LMX1B: variants seen among roughly 807,000 people sequenced by gnomAD.
The protein encoded by LMX1B is LIM homeobox transcription factor 1 beta.
Under a neutral mutation model 51.4 loss-of-function variants are expected in LMX1B, and 12 were observed. The ratio of observed to expected loss-of-function variants is 0.23; its 90% CI spans 0.15 to 0.38. The LOEUF is 0.38. Among genes scored for constraint, LMX1B ranks in the 10% least tolerant of loss-of-function variants. The pLI is 1.00. For synonymous variants in LMX1B, 237 were observed against 235.4 expected (o/e 1.01, Z -0.06); for missense variants, 445 against 571.1 (o/e 0.78, Z 2.25).
intron 2 of LMX1B, among the ~76,000 whole-genome samples, chr9:126,623,870 G>A (rs1266759700): frequency 3.3e-5 from 5 of 152,184 alleles, no homozygotes; most frequent in Non-Finnish European, 7.3e-5. Context: ...CACGCGGATG[G>A]GGCGGCTTTC....
At position 126,696,393 on chromosome 9, in the gene LMX1B, G is replaced by A. The variant is rs143906016; in HGVS notation, c.1151G>A (p.Arg384His). The stretch of plus-strand genomic sequence containing the variant: ...TCAGACGTGGGCTCCCTGCAGGCCC[G>A]CGTGGGGAACCCCATCGACCGGCTC... ...GSSDVGSLQA[R>H]VGNPIDRLYS... is the part of the protein sequence containing the mutation. The change falls in exon 8 of 8, where the codon CGC becomes CAC. Residue 384 changes from arginine to histidine, a missense_variant. Physicochemically the swap from Arg to His is conservative, Grantham distance 29. Coordinates refer to ENST00000373474, the MANE Select transcript of LMX1B (RefSeq NM_001174147.2). 24 of 1,613,914 alleles carry A rather than the reference G, an allele frequency of 1.5e-5. No individual in the cohort carries two copies. Among genetic ancestry groups the A allele is most frequent in the African/African-American group, 2.7e-5 (2 of 74,904 alleles).
rs374683315 is a variant in LMX1B, at chr9:126,693,504, T to A, written c.742-20T>A. 1 of 1,612,906 alleles carries A rather than the reference T, an allele frequency of 6.2e-7. No homozygotes were observed. Among genetic ancestry groups the A allele is most frequent in the African/African-American group, 1.3e-5 (1 of 74,880 alleles). On this transcript the variant is annotated intron_variant, in intron 4 of 7. Coordinates refer to ENST00000373474, the MANE Select transcript of LMX1B (RefSeq NM_001174147.2). ...TGCTGCCCCTGGAGGGCCTGACCTGTTCCCCTCTCTCTGAGCCAGGTCCGA... is the reference window on the plus strand; with the variant it reads ...TGCTGCCCCTGGAGGGCCTGACCTGATCCCCTCTCTCTGAGCCAGGTCCGA...
intron 2 of LMX1B, among the ~76,000 whole-genome samples, chr9:126,685,004 G>A (rs973491808): frequency 6.6e-6 from 1 of 152,174 alleles, no homozygotes; most frequent in Admixed American, 6.5e-5. Context: ...TTCACACATG[G>A]TTGTTCATTC....
At chr9:126,617,429 T>G (rs1044776218) in intron 2 of LMX1B, among the ~76,000 whole-genome samples, 1 of 151,918 alleles carries the variant, frequency 6.6e-6, no homozygotes, top group Non-Finnish European at 1.5e-5. Context: ...AAAAGACTTA[T>G]GAATCGCGTG....
At chr9:126,659,509 G>A (rs1362640031) in intron 2 of LMX1B, among the ~76,000 whole-genome samples, 1 of 152,252 alleles carries the variant, frequency 6.6e-6, no homozygotes, top group African/African-American at 2.4e-5. Context: ...CAGGCCAGGG[G>A]CTCTGCTGGC....
At chr9:126,668,257 G>A (rs890854155) in intron 2 of LMX1B, among the ~76,000 whole-genome samples, 1 of 152,112 alleles carries the variant, frequency 6.6e-6, no homozygotes, top group African/African-American at 2.4e-5. Flanking sequence ...GAGTCAGGCT[G>A]TGTCACTTCC....
At chr9:126,635,256 C>G (rs1397041413) in intron 2 of LMX1B, among the ~76,000 whole-genome samples, 1 of 152,228 alleles carries the variant, frequency 6.6e-6, no homozygotes, top group East Asian at 1.9e-4. Flanking sequence ...TACTTGCCCC[C>G]ACTCGCTCAT....
At chr9:126,672,889 G>A (rs1326897414) in intron 2 of LMX1B, among the ~76,000 whole-genome samples, 1 of 152,250 alleles carries the variant, frequency 6.6e-6, no homozygotes, top group African/African-American at 2.4e-5. Context: ...GCTGGCCCCA[G>A]TGATGCCAGA....
chr9:126,615,660 C>CGCACAGAGCCGG lies in LMX1B; in HGVS notation c.326+91_326+92insGCACAGAGCCGG. The CGCACAGAGCCGG allele has an allele frequency of 8.0e-7, 1 of 1,248,978 alleles. No homozygotes were observed. Among genetic ancestry groups the CGCACAGAGCCGG allele is most frequent in the Non-Finnish European group, 1.1e-6 (1 of 903,216 alleles). The allele number at this position is 1,248,978 out of a possible 1,614,324, so 77.4% of individuals were successfully genotyped here. On this transcript the variant is annotated intron_variant, in intron 2 of 7. Coordinates refer to ENST00000373474, the MANE Select transcript of LMX1B (RefSeq NM_001174147.2). This position sits in a 1 kb window ranked among gnomAD's most constrained non-coding sequence, Gnocchi z 6.0. ...GGCCCGGCCCGCGCCCGCTCTGCCGCCGGCTCTGTGCGCGGCTGGGCCGGG... is the reference window on the plus strand; with the variant it reads ...GGCCCGGCCCGCGCCCGCTCTGCCGCGCACAGAGCCGGCGGCTCTGTGCGCGGCTGGGCCGGG...
rs886063442 is a variant in LMX1B at position 126,699,973 on chromosome 9, G to A, written c.*3522G>A. ...TCTCCAGAGCAAAAGAGAATGAGAG[G>A]TGGGCAGGGGGAGTCTTGGCAAAAG... On this transcript the variant is annotated 3_prime_UTR_variant, in exon 8 of 8. Transcript: ENST00000373474. 2.0e-5 allele frequency: 3 copies of A among 152,284 alleles called. No homozygotes were observed. The highest frequency in any genetic ancestry group is 1.9e-4 in the East Asian group (1 of 5,196). 9.4% of individuals were successfully genotyped at this position (152,284 alleles called of 1,614,324 possible). A position where few individuals can be genotyped will look rare whatever the true frequency, so the allele number is the denominator to read the frequency against.
chr9:126,690,498 A>G lies in LMX1B; in HGVS notation c.327-338A>G, dbSNP rs56663592. On this transcript the variant is annotated intron_variant, in intron 2 of 7. Transcript: ENST00000373474. ...GAGGTAGAAAGGATCCTTTCCAGCC[A>G]GGGGCTGACCTGGCCCCCAAGGAAA... Among the ~76,000 whole-genome samples the G allele has an allele frequency of 0.11, 16,811 of 152,226 alleles. 1,188 individuals carry two copies. The highest frequency in any genetic ancestry group is 0.35 in the East Asian group (1,783 of 5,154).
chr9:126,696,022 A>ACCCCCC lies in LMX1B; in HGVS notation c.1051+22_1051+23insCCCCCC. ...CCCTATGGTAAGCCGCCCTACCCCC[A>ACCCCCC]CCCGCCCGCCCCAGCACAGCCCCTG... is the stretch of plus-strand genomic sequence containing the variant. On this transcript the variant is annotated intron_variant, in intron 7 of 7. Transcript: ENST00000373474. The ACCCCCC allele has an allele frequency of 7.6e-6, 4 of 523,594 alleles. No homozygotes were observed. The highest frequency in any genetic ancestry group is 9.8e-6 in the Non-Finnish European group (4 of 408,712). 32.4% of individuals were successfully genotyped at this position (523,594 alleles called of 1,614,324 possible).
At chr9:126,690,073 A>G (rs1393375722) in intron 2 of LMX1B, among the ~76,000 whole-genome samples, 1 of 152,102 alleles carries the variant, frequency 6.6e-6, no homozygotes, top group African/African-American at 2.4e-5. Context: ...GGCTGCCATG[A>G]TAGTGCTCTG....
rs1835535612 is a variant in LMX1B, at chr9:126,626,559, C to CT, written c.326+10991dup. Among the ~76,000 whole-genome samples the CT allele has an allele frequency of 6.6e-6, 1 of 152,212 alleles. No homozygotes were observed. Among genetic ancestry groups the CT allele is most frequent in the African/African-American group, 2.4e-5 (1 of 41,456 alleles). ...CGCCCGTCCTCTCCTGGAGCCCCCTCTGCAATCCCGGCTCAGTCGGCAACC... is the reference window on the plus strand; with the variant it reads ...CGCCCGTCCTCTCCTGGAGCCCCCTCTTGCAATCCCGGCTCAGTCGGCAACC... On this transcript the variant is annotated intron_variant, in intron 2 of 7. Coordinates refer to ENST00000373474, the MANE Select transcript of LMX1B (RefSeq NM_001174147.2). The surrounding 1 kb of genome is among the most constrained non-coding windows in gnomAD (Gnocchi z 4.3).
chr9:126,675,595 C>T lies in LMX1B; in HGVS notation c.327-15241C>T, dbSNP rs190292728. 5.7e-3 allele frequency among the ~76,000 whole-genome samples: 862 copies of T among 151,500 alleles called. 12 individuals carry two copies. The highest frequency in any genetic ancestry group is 0.019 in the African/African-American group (804 of 41,242). On this transcript the variant is annotated intron_variant, in intron 2 of 7. Coordinates refer to ENST00000373474, the MANE Select transcript of LMX1B (RefSeq NM_001174147.2). ...CAAAAATTAGCTGGGCGTAGTGGCA[C>T]ACGCCTGTAATCCCAGCTACTCAGG...
At chr9:126,646,520 C>T (rs968110692) in intron 2 of LMX1B, among the ~76,000 whole-genome samples, 2 of 152,242 alleles carry the variant, frequency 1.3e-5, no homozygotes, top group African/African-American at 4.8e-5. Context: ...GTGAAACCTA[C>T]AGGCATCACC....
rs1372392742 is a variant in LMX1B, at chr9:126,614,120, C to A, written c.-330C>A. ...CGCCTGCCGCCGCCGCCACCGCCACCGCCGCCGCCGCCTCCTCCCCGCGGC... is the reference window on the plus strand; with the variant it reads ...CGCCTGCCGCCGCCGCCACCGCCACAGCCGCCGCCGCCTCCTCCCCGCGGC... On this transcript the variant is annotated 5_prime_UTR_variant, in exon 1 of 8. Transcript: ENST00000373474. Among the ~76,000 whole-genome samples the A allele has an allele frequency of 7.0e-6, 1 of 142,898 alleles. No homozygotes were observed. Among genetic ancestry groups the A allele is most frequent in the Non-Finnish European group, 1.5e-5 (1 of 64,578 alleles). 93.7% of individuals were successfully genotyped at this position (142,898 alleles called of 152,430 possible).
intron 3 of LMX1B, 46 bp from the exon 4 acceptor site, chr9:126,693,096 G>A (rs374127682): frequency 1.3e-4 from 199 of 1,537,902 alleles, no homozygotes; most frequent in Non-Finnish European, 1.6e-4. Flanking sequence ...CTGAGGCCTG[G>A]GCTGCCCCCG....
chr9:126,626,261 C>T lies in LMX1B; in HGVS notation c.326+10692C>T, dbSNP rs533893948. ...CTGCGCGCCGAGCCCAGGCTCCGGGCGCAGGGAGGATCGGGCTGAGAGCAG... is the reference window on the plus strand; with the variant it reads ...CTGCGCGCCGAGCCCAGGCTCCGGGTGCAGGGAGGATCGGGCTGAGAGCAG... On this transcript the variant is annotated intron_variant, in intron 2 of 7. Coordinates refer to ENST00000373474, the MANE Select transcript of LMX1B (RefSeq NM_001174147.2). This position sits in a 1 kb window ranked among gnomAD's most constrained non-coding sequence, Gnocchi z 4.3. 2.0e-5 allele frequency among the ~76,000 whole-genome samples: 3 copies of T among 152,332 alleles called. No individual in the cohort carries two copies. The highest frequency in any genetic ancestry group is 4.8e-5 in the African/African-American group (2 of 41,596).
Sources: gnomAD v4.1 joint callset for allele counts (sites outside exome capture counted in the v4.1 genomes callset) on GRCh38, gnomAD v4.1.1 for gene constraint, Gnocchi (gnomAD v3.1) non-coding constraint, MANE v1.5 for transcripts, NCBI Gene and HGNC (gene_info 2026-07-23, HGNC 2026-07-21) for gene names.